The following NKD1 variants were observed in gnomAD, a reference collection of about 807,000 sequenced individuals.
NKD1 encodes the protein protein naked cuticle homolog 1.
In NKD1, 21 loss-of-function variants were observed where a neutral mutation model predicts 56.0. That is an observed-to-expected ratio of 0.38 (90% confidence interval 0.27 to 0.54). The LOEUF (loss-of-function observed/expected upper bound fraction) is 0.54, where lower values mean the gene tolerates loss of function less well. NKD1 is among the 20% of genes least tolerant of loss of function. NKD1 has a pLI of 0.82. For synonymous variants in NKD1, 263 were observed against 265.7 expected (o/e 0.99, Z 0.10); for missense variants, 578 against 642.7 (o/e 0.90, Z 1.09).
In NKD1 at chr16:50,549,456, G is replaced by A. The variant is rs763864147; in HGVS notation, c.93G>A (p.Arg31=). 1 of 1,611,448 alleles carries A rather than the reference G, an allele frequency of 6.2e-7. No homozygotes were observed. Among genetic ancestry groups the A allele is most frequent in the Non-Finnish European group, 8.5e-7 (1 of 1,179,032 alleles). Residue 31 remains arginine, a synonymous_variant, in exon 3 of 10, where the codon CGG becomes CGA. Transcript: ENST00000268459. ...DSFAVSAAWA[R]KGIEEWIGRQ... ...TCGCCGTGAGCGCTGCCTGGGCTCG[G>A]AAGGGCATCGAGGAGTGGATCGGGA...
Position 50,633,391 on chromosome 16 carries a change from G to C in NKD1, c.1023G>C (p.Gly341=). The C allele has an allele frequency of 1.2e-6, 2 of 1,613,988 alleles. No individual in the cohort carries two copies. Among genetic ancestry groups the C allele is most frequent in the Non-Finnish European group, 1.7e-6 (2 of 1,179,914 alleles). The change falls in exon 10 of 10, where the codon GGG becomes GGC. Residue 341 remains glycine, a synonymous_variant. Transcript: ENST00000268459. The surrounding 1 kb of genome is among the most constrained non-coding windows in gnomAD (Gnocchi z 4.9). ...LQQRLRGTQD[G]SKHFVRSPKA... ...AACGGCTCCGGGGCACCCAGGACGG[G>C]AGCAAGCACTTTGTGAGGTCCCCCA...
At chr16:50,558,368 T>C (rs1487525816) in intron 3 of NKD1, 2 of 152,196 alleles carry the variant, frequency 1.3e-5, no homozygotes, top group African/African-American at 4.8e-5. Flanking sequence ...ATACTTTCCA[T>C]GCATTCTCTT....
chr16:50,578,746 C>A (rs1048248372), intron 3 of NKD1, among the ~76,000 whole-genome samples: 6 of 152,142 alleles, frequency 3.9e-5, no homozygotes, highest in African/African-American at 7.2e-5. Context: ...TGTAGTTCTC[C>A]TGGGCAGCTT....
chr16:50,591,008 A>G (rs909627774), intron 3 of NKD1, among the ~76,000 whole-genome samples: 1 of 151,666 alleles, frequency 6.6e-6, no homozygotes, highest in African/African-American at 2.4e-5. Flanking sequence ...TTTTCAGTAG[A>G]GACGGAGTTT....
At position 50,633,501 on chromosome 16, in the gene NKD1, T is replaced by C. The variant is rs1483470687; in HGVS notation, c.1133T>C (p.Val378Ala). 1 of 1,610,084 alleles carries C rather than the reference T, an allele frequency of 6.2e-7. No homozygotes were observed. Among genetic ancestry groups the C allele is most frequent in the Admixed American group, 1.7e-5 (1 of 59,714 alleles). ...CCTCTGGGACCCGCCATCCCTGCGG[T>C]GTCCCCCTCCGCCCACCTGGCTGCC... ...KPPLGPAIPA[V>A]SPSAHLAASP... Residue 378 changes from valine to alanine, a missense_variant, in exon 10 of 10, where the codon GTG becomes GCG. Coordinates refer to ENST00000268459, the MANE Select transcript of NKD1 (RefSeq NM_033119.5). The surrounding 1 kb of genome is among the most constrained non-coding windows in gnomAD (Gnocchi z 4.9).
chr16:50,561,777 A>T (rs1200094067), intron 3 of NKD1, among the ~76,000 whole-genome samples: 1 of 152,190 alleles, frequency 6.6e-6, no homozygotes, highest in Non-Finnish European at 1.5e-5. Flanking sequence ...TCCAGCCTAG[A>T]TTTAGGGGAA....
At chr16:50,614,124 G>C (rs1471098712) in intron 4 of NKD1, among the ~76,000 whole-genome samples, 1 of 152,140 alleles carries the variant, frequency 6.6e-6, no homozygotes, top group African/African-American at 2.4e-5. Flanking sequence ...TGAAAAAGCT[G>C]GAAATCACCC....
intron 3 of NKD1, among the ~76,000 whole-genome samples, chr16:50,590,242 G>A (rs1418365878): frequency 6.6e-6 from 1 of 152,092 alleles, no homozygotes; most frequent in Non-Finnish European, 1.5e-5. Context: ...GAACTCTTGG[G>A]CTTAACCTCA....
At chr16:50,617,872 G>A (rs574890325) in intron 4 of NKD1, among the ~76,000 whole-genome samples, 2 of 152,320 alleles carry the variant, frequency 1.3e-5, no homozygotes, top group East Asian at 3.9e-4. Context: ...AGTAGAGGGT[G>A]GCACACATCT....
At chr16:50,629,417 A>T (rs1001796611) in intron 6 of NKD1, among the ~76,000 whole-genome samples, 3 of 152,238 alleles carry the variant, frequency 2.0e-5, no homozygotes, top group Admixed American at 6.5e-5. Flanking sequence ...TTTAGCCCAT[A>T]GCAGGGACAC....
chr16:50,632,636 C>T lies in NKD1; in HGVS notation c.823+228C>T, dbSNP rs1962372125. On this transcript the variant is annotated intron_variant, in intron 9 of 9. Coordinates refer to ENST00000268459, the MANE Select transcript of NKD1 (RefSeq NM_033119.5). This position sits in a 1 kb window ranked among gnomAD's most constrained non-coding sequence, Gnocchi z 4.1. Reference sequence around the variant, plus strand: ...CCAATAGTATCTAAAGGCTTAGCACCCAATGACAAACAACAGTTTTGTGCC... The same window carrying T: ...CCAATAGTATCTAAAGGCTTAGCACTCAATGACAAACAACAGTTTTGTGCC... Among the ~76,000 whole-genome samples the T allele has an allele frequency of 6.6e-6, 1 of 152,204 alleles. No homozygotes were observed. The highest frequency in any genetic ancestry group is 2.4e-5 in the African/African-American group (1 of 41,448).
chr16:50,632,959 G>A lies in NKD1; in HGVS notation c.824-233G>A, dbSNP rs955851061. Among the ~76,000 whole-genome samples the A allele has an allele frequency of 3.3e-5, 5 of 152,154 alleles. No homozygotes were observed. The highest frequency in any genetic ancestry group is 9.6e-5 in the African/African-American group (4 of 41,500). ...GTCTCTGCTGCCATCTGTCTTTCTC[G>A]GCTCCCTCTCGGAGAGTATTTTTGA... On this transcript the variant is annotated intron_variant, in intron 9 of 9. Coordinates refer to ENST00000268459, the MANE Select transcript of NKD1 (RefSeq NM_033119.5). The surrounding 1 kb of genome is among the most constrained non-coding windows in gnomAD (Gnocchi z 4.1).
intron 4 of NKD1, among the ~76,000 whole-genome samples, chr16:50,609,418 T>A (rs1961791851): frequency 6.6e-6 from 1 of 151,804 alleles, no homozygotes; most frequent in African/African-American, 2.4e-5. Flanking sequence ...CTTATAAGAG[T>A]AAGGAAGGAC....
In NKD1 at chr16:50,639,066, G is replaced by C. The variant is rs1274375108; in HGVS notation, c.*5285G>C. 2.0e-5 allele frequency: 3 copies of C among 152,200 alleles called. No individual in the cohort carries two copies. Among genetic ancestry groups the C allele is most frequent in the Admixed American group, 2.0e-4 (3 of 15,290 alleles). 9.4% of individuals were successfully genotyped at this position (152,200 alleles called of 1,614,324 possible). ...TAATTCTCATCCCCTGAATGCTTGGGATCACCTGGGGAGAGTTCACAAAAT... is the reference window on the plus strand; with the variant it reads ...TAATTCTCATCCCCTGAATGCTTGGCATCACCTGGGGAGAGTTCACAAAAT... On this transcript the variant is annotated 3_prime_UTR_variant, in exon 10 of 10. Coordinates refer to ENST00000268459, the MANE Select transcript of NKD1 (RefSeq NM_033119.5).
At chr16:50,560,817 C>G (rs2151263725) in intron 3 of NKD1, among the ~76,000 whole-genome samples, 1 of 71,966 alleles carries the variant, frequency 1.4e-5, no homozygotes, top group Admixed American at 1.4e-4. Context: ...CACCTATACC[C>G]AAACCCATCT....
intron 3 of NKD1, among the ~76,000 whole-genome samples, chr16:50,568,869 A>G (rs1357450157): frequency 6.6e-6 from 1 of 152,188 alleles, no homozygotes. Flanking sequence ...AGAAGGATGC[A>G]TGCTAGAAGT....
intron 3 of NKD1, among the ~76,000 whole-genome samples, chr16:50,571,742 A>G (rs536663234): frequency 2.0e-5 from 3 of 152,206 alleles, no homozygotes; most frequent in Non-Finnish European, 2.9e-5. Flanking sequence ...TTGCTCCTGG[A>G]GGACTCCAAC....
chr16:50,615,315 A>G (rs1015124021), intron 4 of NKD1, among the ~76,000 whole-genome samples: 2 of 152,358 alleles, frequency 1.3e-5, no homozygotes, highest in South Asian at 2.1e-4. Context: ...TGCAGCACCT[A>G]TAGTGTGATA....
At chr16:50,625,286 C>T (rs958404852) in intron 5 of NKD1, 199 bp from the exon 6 acceptor site, 26 of 596,916 alleles carry the variant, frequency 4.4e-5, no homozygotes, top group Non-Finnish European at 6.6e-5. Context: ...CTCCCCAGGC[C>T]AAACCTCCCC....
Sources: gnomAD v4.1 joint callset for allele counts (sites outside exome capture counted in the v4.1 genomes callset) on GRCh38, gnomAD v4.1.1 for gene constraint, Gnocchi (gnomAD v3.1) non-coding constraint, MANE v1.5 for transcripts, NCBI Gene and HGNC (gene_info 2026-07-23, HGNC 2026-07-21) for gene names.